ROR1: variants seen among roughly 807,000 people sequenced by gnomAD.
The protein encoded by ROR1 is ROR family WNT receptor 1.
In ROR1, 19 loss-of-function variants were observed where a neutral mutation model predicts 78.8. The ratio of observed to expected loss-of-function variants is 0.24; its 90% confidence interval spans 0.17 to 0.35. The LOEUF is 0.35. Among genes scored for constraint, ROR1 ranks in the 10% least tolerant of loss-of-function variants. The probability of loss-of-function intolerance (pLI) is 1.00; values close to 1 mark genes in which losing one functional copy is unlikely to be tolerated. For missense variants in ROR1, 917 were observed against 1,177.8 expected, an observed-to-expected ratio of 0.78 and a Z score of 3.24; for synonymous variants, 386 against 433.6, an observed-to-expected ratio of 0.89 and a Z score of 1.36.
At chr1:63,830,925 G>T (rs1437476801) in intron 1 of ROR1, among the ~76,000 whole-genome samples, 1 of 152,194 alleles carries the variant, frequency 6.6e-6, no homozygotes, top group African/African-American at 2.4e-5. Context: ...GGAGAAATTG[G>T]TCAAAACAAA....
intron 4 of ROR1, among the ~76,000 whole-genome samples, chr1:64,137,071 T>A (rs2100706150): frequency 6.6e-6 from 1 of 152,280 alleles, no homozygotes; most frequent in African/African-American, 2.4e-5. Context: ...TCCTCTTTAC[T>A]CCTATAACTA....
At chr1:64,049,230 T>A (rs1646808857) in intron 2 of ROR1, among the ~76,000 whole-genome samples, 1 of 152,178 alleles carries the variant, frequency 6.6e-6, no homozygotes, top group Admixed American at 6.5e-5. Flanking sequence ...TGGATATGAA[T>A]GTGTTGCTCC....
At chr1:63,790,744 C>T (rs1222353975) in intron 1 of ROR1, among the ~76,000 whole-genome samples, 1 of 152,192 alleles carries the variant, frequency 6.6e-6, no homozygotes, top group Non-Finnish European at 1.5e-5. Flanking sequence ...CCCTGTTGCT[C>T]TGCCCTTCCC....
chr1:63,923,444 G>A (rs1026246877), intron 1 of ROR1, among the ~76,000 whole-genome samples: 6 of 152,004 alleles, frequency 3.9e-5, no homozygotes, highest in African/African-American at 9.7e-5. Flanking sequence ...ATCACAGTAG[G>A]TACCCAGGCA....
chr1:64,006,416 G>A (rs1011566528), intron 1 of ROR1, among the ~76,000 whole-genome samples: 4 of 152,148 alleles, frequency 2.6e-5, no homozygotes, highest in Non-Finnish European at 5.9e-5. Context: ...AAGAGCCAAA[G>A]TGGGTGGCAG....
chr1:63,784,494 T>C (rs1644671816), intron 1 of ROR1, among the ~76,000 whole-genome samples: 1 of 152,228 alleles, frequency 6.6e-6, no homozygotes, highest in African/African-American at 2.4e-5. Flanking sequence ...AAGGCATTTG[T>C]AGATGGGACC....
chr1:63,844,185 A>G lies in ROR1; in HGVS notation c.91+69677A>G, dbSNP rs574134430. ...ATCAGCTCACACATGGTTAGCCCTC[A>G]GTAAACGTTGGCTGTTATGGTTGTG... is the stretch of plus-strand genomic sequence containing the variant. On this transcript the variant is annotated intron_variant, in intron 1 of 8. Transcript: ENST00000371079. Among the ~76,000 whole-genome samples the G allele has an allele frequency of 1.1e-4, 17 of 152,358 alleles. No individual in the cohort carries two copies. In the East Asian group the frequency reaches 3.3e-3, roughly 29 times the overall value.
chr1:64,178,832 T>C lies in ROR1; in HGVS notation c.2791T>C (p.Ser931Pro). Residue 931 changes from serine (S) to proline (P), a missense_variant, in exon 9 of 9, where the codon TCT becomes CCT. By Grantham distance (74) the Ser-to-Pro change is moderately conservative (BLOSUM62 -1). This residue lies in a region of ROR1 where 835 missense variants were observed against 1,069.8 expected (regional missense o/e 0.78). Transcript: ENST00000371079. The surrounding 1 kb of genome is among the most constrained non-coding windows in gnomAD (Gnocchi z 4.3). ...GDANIHGHTE[S>P]MISAEL ...CGCCAATATTCATGGACACACCGAATCTATGATTTCTGCAGAACTGTAAAA... is the reference window on the plus strand; with the variant it reads ...CGCCAATATTCATGGACACACCGAACCTATGATTTCTGCAGAACTGTAAAA... 1 of 1,613,418 alleles carries C rather than the reference T, an allele frequency of 6.2e-7. No homozygotes were observed. The highest frequency in any genetic ancestry group is 8.5e-7 in the Non-Finnish European group (1 of 1,179,686).
intron 1 of ROR1, among the ~76,000 whole-genome samples, chr1:64,002,950 C>A (rs773544466): frequency 6.6e-6 from 1 of 152,144 alleles, no homozygotes; most frequent in Non-Finnish European, 1.5e-5. Flanking sequence ...CCCCATCCCC[C>A]ATGTGGCACA....
At chr1:63,861,102 T>C (rs988297269) in intron 1 of ROR1, among the ~76,000 whole-genome samples, 1 of 152,108 alleles carries the variant, frequency 6.6e-6, no homozygotes, top group Admixed American at 6.6e-5. Flanking sequence ...AAAAAGGTTT[T>C]CTCTCTTTGG....
intron 1 of ROR1, among the ~76,000 whole-genome samples, chr1:63,898,993 A>G (rs1246632842): frequency 6.6e-6 from 1 of 152,058 alleles, no homozygotes; most frequent in Admixed American, 6.6e-5. Context: ...TGGAAACAGT[A>G]CATAAAGTAC....
rs1208813882 is a variant in ROR1, at chr1:64,014,740, CTATATATATATATATATATA to C, written c.163+5379_163+5398del. 1.2e-3 allele frequency among the ~76,000 whole-genome samples: 34 copies of C among 29,058 alleles called. 4 individuals are homozygous for C. Among genetic ancestry groups the C allele is most frequent in the African/African-American group, 3.7e-3 (33 of 8,972 alleles). 19.1% of individuals were successfully genotyped at this position (29,058 alleles called of 152,430 possible). The stretch of plus-strand genomic sequence containing the variant: ...ATATATATATATACACATACGCACA[CTATATATATATATATATATA>C]TATATATATATATACACATTTTGTC... On this transcript the variant is annotated intron_variant, in intron 2 of 8. Coordinates refer to ENST00000371079, the MANE Select transcript of ROR1 (RefSeq NM_005012.4).
At chr1:64,051,179 C>T (rs1450152506) in intron 4 of ROR1, among the ~76,000 whole-genome samples, 2 of 152,008 alleles carry the variant, frequency 1.3e-5, no homozygotes, top group East Asian at 1.9e-4. Flanking sequence ...TGGCTGGGCG[C>T]GGTGGCTCAT....
intron 4 of ROR1, among the ~76,000 whole-genome samples, chr1:64,091,844 A>G (rs1647200238): frequency 6.6e-6 from 1 of 151,948 alleles, no homozygotes; most frequent in African/African-American, 2.4e-5. Context: ...AAGATCATTC[A>G]CCTCCATATC....
At chr1:64,109,575 C>G (rs545144240) in intron 4 of ROR1, among the ~76,000 whole-genome samples, 1 of 152,058 alleles carries the variant, frequency 6.6e-6, no homozygotes, top group Non-Finnish European at 1.5e-5. Flanking sequence ...GTTACTTATC[C>G]TTTCTGAAAA....
intron 1 of ROR1, among the ~76,000 whole-genome samples, chr1:63,979,015 G>A (rs1646186223): frequency 6.6e-6 from 1 of 152,166 alleles, no homozygotes; most frequent in Non-Finnish European, 1.5e-5. Context: ...CTTGCGCTGG[G>A]GAGGTCAGCC....
At chr1:64,128,456 G>A (rs1345801632) in intron 4 of ROR1, among the ~76,000 whole-genome samples, 1 of 152,104 alleles carries the variant, frequency 6.6e-6, no homozygotes, top group Non-Finnish European at 1.5e-5. Flanking sequence ...GTGACAGAGT[G>A]AGATCCTGTC....
intron 4 of ROR1, among the ~76,000 whole-genome samples, chr1:64,132,483 G>A (rs186309584): frequency 6.6e-4 from 101 of 152,166 alleles, no homozygotes; most frequent in African/African-American, 2.2e-3. Context: ...TAGGAGACCC[G>A]GCGTGGTGGC....
At chr1:63,887,829 G>A (rs1645367547) in intron 1 of ROR1, among the ~76,000 whole-genome samples, 1 of 152,108 alleles carries the variant, frequency 6.6e-6, no homozygotes, top group African/African-American at 2.4e-5. Flanking sequence ...CTACCACATA[G>A]CAGAAAATGA....
Sources: allele counts gnomAD v4.1 joint callset (sites outside exome capture counted in the v4.1 genomes callset), GRCh38; gene constraint gnomAD v4.1.1; regional missense constraint gnomAD v4.1.1; non-coding constraint Gnocchi (gnomAD v3.1); transcripts MANE v1.5; gene names NCBI Gene and HGNC (gene_info 2026-07-23, HGNC 2026-07-21).